Variants in PTPRK observed in about 807,000 individuals in gnomAD.
PTPRK encodes the protein receptor-type tyrosine-protein phosphatase kappa.
Under a neutral mutation model 178.0 loss-of-function variants are expected in PTPRK, and 75 were observed. The ratio of observed to expected loss-of-function variants is 0.42; its 90% CI spans 0.35 to 0.51. PTPRK has a LOEUF of 0.51. Ranked by LOEUF, PTPRK falls within the 20% of genes least tolerant of loss-of-function variation. The pLI is 0.02. For synonymous variants in PTPRK, 637 were observed against 620.6 expected (o/e 1.03, Z -0.39); for missense variants, 1,441 against 1,797.8 (o/e 0.80, Z 3.59).
chr6:127,975,373 T>C (rs1774411394), intron 27 of PTPRK, among the ~76,000 whole-genome samples: 1 of 152,198 alleles, frequency 6.6e-6, no homozygotes, highest in Non-Finnish European at 1.5e-5. Context: ...TATTATGAGA[T>C]GATTGAAGTT....
At chr6:127,985,162 T>A (rs973538023) in intron 22 of PTPRK, among the ~76,000 whole-genome samples, 4 of 152,212 alleles carry the variant, frequency 2.6e-5, no homozygotes, top group Non-Finnish European at 5.9e-5. Flanking sequence ...GAGAAGTTTC[T>A]AATCAGAAGA....
chr6:128,427,370 T>C (rs1175812045), intron 1 of PTPRK, among the ~76,000 whole-genome samples: 1 of 152,192 alleles, frequency 6.6e-6, no homozygotes, highest in Non-Finnish European at 1.5e-5. Context: ...CACCACTCCC[T>C]TGCCTGCCTT....
chr6:128,419,946 A>T (rs1843292819), intron 1 of PTPRK, among the ~76,000 whole-genome samples: 1 of 152,230 alleles, frequency 6.6e-6, no homozygotes, highest in Non-Finnish European at 1.5e-5. Flanking sequence ...GGGGAAGATC[A>T]TGGTGTTGGT....
chr6:128,302,171 G>A (rs1259709379), intron 3 of PTPRK, among the ~76,000 whole-genome samples: 1 of 151,960 alleles, frequency 6.6e-6, no homozygotes, highest in Non-Finnish European at 1.5e-5. Context: ...GGCGGATCAC[G>A]AGGTCAGGAG....
intron 3 of PTPRK, among the ~76,000 whole-genome samples, chr6:128,252,465 T>C (rs1236527044): frequency 6.6e-6 from 1 of 152,208 alleles, no homozygotes; most frequent in Non-Finnish European, 1.5e-5. Context: ...CTTCTTAGTC[T>C]TAAAGTGACT....
Position 127,996,956 on chromosome 6 carries a change from A to T in PTPRK, c.2712T>A (p.Asp904Glu), listed in dbSNP as rs1445057798. ...CTCTATTTTGATCTTTTTTAGCTACATCCCAAGATGCTGACTGTCCTTCAA... is the reference window on the plus strand; with the variant it reads ...CTCTATTTTGATCTTTTTTAGCTACTTCCCAAGATGCTGACTGTCCTTCAA... The part of the protein sequence containing the change: ...SFFEGQSASW[D>E]VAKKDQNRAK... Residue 904 changes from aspartate to glutamate, a missense_variant, in exon 17 of 30, where the codon GAT becomes GAA. Physicochemically the swap from Asp to Glu is conservative, Grantham distance 45. Transcript: ENST00000368226. 1.2e-6 allele frequency: 2 copies of T among 1,611,980 alleles called. No individual in the cohort carries two copies.
At chr6:128,119,577 T>C (rs1792119603) in intron 7 of PTPRK, among the ~76,000 whole-genome samples, 1 of 152,070 alleles carries the variant, frequency 6.6e-6, no homozygotes, top group African/African-American at 2.4e-5. Flanking sequence ...TAAGCTACAG[T>C]TGTCTCTGAT....
chr6:128,110,415 G>A (rs1242477017), intron 7 of PTPRK, among the ~76,000 whole-genome samples: 8 of 151,950 alleles, frequency 5.3e-5, no homozygotes, highest in Non-Finnish European at 1.0e-4. Flanking sequence ...AGTAGCCGAC[G>A]TTTCATTTAA....
At chr6:128,017,800 G>GTGTATATATATATA (rs1779765432) in intron 13 of PTPRK, among the ~76,000 whole-genome samples, 1 of 30,060 alleles carries the variant, frequency 3.3e-5, no homozygotes, top group African/African-American at 1.1e-4. Context: ...AAATATATAT[G>GTGTATATATATATA]TGTATATATA....
chr6:128,122,288 A>T (rs986788265), intron 7 of PTPRK, among the ~76,000 whole-genome samples: 5 of 152,180 alleles, frequency 3.3e-5, no homozygotes, highest in Non-Finnish European at 5.9e-5. Flanking sequence ...TATTCTACTG[A>T]GGAGGAAGCC....
intron 3 of PTPRK, among the ~76,000 whole-genome samples, chr6:128,316,581 A>G (rs907471715): frequency 3.3e-5 from 5 of 152,226 alleles, no homozygotes; most frequent in Admixed American, 2.0e-4. Flanking sequence ...ATTTATTTAC[A>G]CAACCATAAG....
At chr6:128,204,177 G>A (rs1806498602) in intron 6 of PTPRK, among the ~76,000 whole-genome samples, 1 of 152,128 alleles carries the variant, frequency 6.6e-6, no homozygotes, top group Admixed American at 6.5e-5. Context: ...ATGGGGAGAG[G>A]ATTCCCTATT....
At chr6:128,255,695 A>C (rs1433459289) in intron 3 of PTPRK, among the ~76,000 whole-genome samples, 1 of 152,236 alleles carries the variant, frequency 6.6e-6, no homozygotes, top group Non-Finnish European at 1.5e-5. Flanking sequence ...AGTTATCAAA[A>C]CATGGTCCTG....
intron 6 of PTPRK, among the ~76,000 whole-genome samples, chr6:128,193,221 A>G (rs1804161594): frequency 6.6e-6 from 1 of 150,548 alleles, no homozygotes; most frequent in Non-Finnish European, 1.5e-5. Context: ...GGAACAAAAG[A>G]ACACATTCTA....
chr6:128,089,652 AG>A, intron 8 of PTPRK, 37 bp downstream of exon 8: 1 of 1,528,462 alleles, frequency 6.5e-7, no homozygotes, highest in Non-Finnish European at 9.0e-7. Flanking sequence ...TTCTTGTTAG[AG>A]AATTCCCCCC....
intron 1 of PTPRK, among the ~76,000 whole-genome samples, chr6:128,458,601 GCA>G: frequency 6.6e-6 from 1 of 152,194 alleles, no homozygotes; most frequent in Non-Finnish European, 1.5e-5. Context: ...GCACACACTT[GCA>G]CACACACACA....
chr6:127,977,229 A>T (rs1351008791), intron 25 of PTPRK, among the ~76,000 whole-genome samples, 175 bp from the exon 26 acceptor site: 1 of 152,232 alleles, frequency 6.6e-6, no homozygotes, highest in African/African-American at 2.4e-5. Context: ...ACTGGAATGA[A>T]CTGAATTAGT....
At chr6:128,336,098 A>G (rs1439689329) in intron 2 of PTPRK, among the ~76,000 whole-genome samples, 1 of 152,224 alleles carries the variant, frequency 6.6e-6, no homozygotes, top group Non-Finnish European at 1.5e-5. Flanking sequence ...CTTAACAAAT[A>G]CAATCACCCA....
chr6:127,973,473 A>T (rs1017710629), intron 28 of PTPRK, among the ~76,000 whole-genome samples, 191 bp downstream of exon 28: 3 of 152,240 alleles, frequency 2.0e-5, no homozygotes, highest in African/African-American at 7.2e-5. Flanking sequence ...ATATAGCTAT[A>T]TAATAATCAA....
Sources: allele counts gnomAD v4.1 joint callset (sites outside exome capture counted in the v4.1 genomes callset), GRCh38; gene constraint gnomAD v4.1.1; transcripts MANE v1.5; gene names NCBI Gene and HGNC (gene_info 2026-07-23, HGNC 2026-07-21).